The following NUDT6 variants were observed in gnomAD, a reference collection of about 807,000 sequenced individuals.
NUDT6 encodes the protein nudix hydrolase 6, also known as FAD diphosphatase NUDT6.
In NUDT6, 24 loss-of-function variants were observed where a neutral mutation model predicts 36.8. The ratio of observed to expected loss-of-function variants is 0.65; its 90% CI spans 0.47 to 0.92. The LOEUF is 0.92. NUDT6 is among the 40% of genes least tolerant of loss of function. NUDT6 has a pLI of 0.00. For synonymous variants in NUDT6, 163 were observed against 157.0 expected, an observed-to-expected ratio of 1.04 and a Z score of -0.29; for missense variants, 388 against 392.8, an observed-to-expected ratio of 0.99 and a Z score of 0.10.
At chr4:122,900,456 A>G (rs1259183201) in intron 3 of NUDT6, among the ~76,000 whole-genome samples, 1 of 151,702 alleles carries the variant, frequency 6.6e-6, no homozygotes, top group Non-Finnish European at 1.5e-5. Context: ...CTCCTATGCT[A>G]TGCTAAATAT....
chr4:122,907,336 T>C (rs941918074), intron 3 of NUDT6, among the ~76,000 whole-genome samples: 15 of 152,008 alleles, frequency 9.9e-5, no homozygotes, highest in African/African-American at 2.9e-4. Context: ...GGTTTCACCA[T>C]GTTAGCCAGG....
At chr4:122,896,477 C>T (rs760029872) in intron 4 of NUDT6, 3 of 152,164 alleles carry the variant, frequency 2.0e-5, no homozygotes, top group African/African-American at 4.8e-5. Context: ...GCTTAATTAG[C>T]TCACATGCTC....
chr4:122,918,215 T>C (rs900814239), intron 1 of NUDT6: 2 of 153,306 alleles, frequency 1.3e-5, no homozygotes, highest in African/African-American at 4.8e-5. Context: ...ATAAAAAATA[T>C]GAAGAAATCA....
chr4:122,905,643 C>G (rs60782501), intron 3 of NUDT6, among the ~76,000 whole-genome samples: 2,901 of 152,308 alleles, frequency 0.019, 89 homozygotes, highest in African/African-American at 0.066. Context: ...GAGTCACAGA[C>G]AGAACTAGGA....
intron 4 of NUDT6, 94 bp downstream of exon 4, chr4:122,897,530 A>G: frequency 1.1e-6 from 1 of 929,838 alleles, no homozygotes; most frequent in South Asian, 1.4e-5. Context: ...AAATTGGAAA[A>G]TTTAAATTTT....
intron 3 of NUDT6, among the ~76,000 whole-genome samples, chr4:122,899,675 T>C (rs1287279959): frequency 6.6e-6 from 1 of 152,140 alleles, no homozygotes; most frequent in African/African-American, 2.4e-5. Flanking sequence ...AAAATACTAA[T>C]GCTGGGCACA....
intron 4 of NUDT6, chr4:122,895,785 T>C (rs1727333357): frequency 6.6e-6 from 1 of 152,220 alleles, no homozygotes; most frequent in Non-Finnish European, 1.5e-5. Flanking sequence ...TTCAAACAAA[T>C]GTGTTTCCCA....
intron 3 of NUDT6, among the ~76,000 whole-genome samples, chr4:122,909,901 G>A (rs574104652): frequency 3.9e-5 from 6 of 152,346 alleles, no homozygotes; most frequent in African/African-American, 1.4e-4. Flanking sequence ...TGCCACTGTG[G>A]ATTGAGTTTT....
At chr4:122,900,416 T>A (rs952992033) in intron 3 of NUDT6, among the ~76,000 whole-genome samples, 14 of 150,956 alleles carry the variant, frequency 9.3e-5, no homozygotes, top group Non-Finnish European at 1.5e-4. Flanking sequence ...TTTGCATCTT[T>A]CTACAATTTT....
rs895254064 is a variant in NUDT6 at position 122,903,226 on chromosome 4, A to C, written c.499-5548T>G. Among the ~76,000 whole-genome samples, 7 of 152,158 alleles carry C rather than the reference A, an allele frequency of 4.6e-5. No individual in the cohort carries two copies. In the South Asian group the frequency reaches 1.4e-3, roughly 32 times the overall value. ...TAAAAAAATCAAAACCCTACTTAGG[A>C]GTGTCATTCCTACTTAATCCACAAA... On this transcript the variant is annotated intron_variant, in intron 3 of 4. Transcript: ENST00000304430.
Position 122,915,487 on chromosome 4 carries a change from A to AC in NUDT6, c.442+2013_442+2014insG, listed in dbSNP as rs1389583994. 1.9e-4 allele frequency among the ~76,000 whole-genome samples: 26 copies of AC among 139,494 alleles called. 1 individual carries two copies. The highest frequency in any genetic ancestry group is 1.5e-3 in the South Asian group (6 of 3,968). 91.5% of individuals were successfully genotyped at this position (139,494 alleles called of 152,430 possible). On this transcript the variant is annotated intron_variant, in intron 2 of 4. Transcript: ENST00000304430. ...CCTGCCTCAAAAAAAAAAAAAAAAAAAAAAAAAAAAACAACTCTGCACCTT... is the reference window on the plus strand; with the variant it reads ...CCTGCCTCAAAAAAAAAAAAAAAAAACAAAAAAAAAAACAACTCTGCACCTT...
intron 3 of NUDT6, among the ~76,000 whole-genome samples, chr4:122,908,393 T>C (rs72919843): frequency 0.022 from 3,289 of 152,342 alleles, 108 homozygotes; most frequent in African/African-American, 0.074. Context: ...CTGCTGACTC[T>C]AAATTTTTAG....
In NUDT6 at chr4:122,922,100, G is replaced by A. The variant is rs191375795; in HGVS notation, c.238+235C>T. On this transcript the variant is annotated intron_variant, in intron 1 of 4. Transcript: ENST00000304430. The stretch of plus-strand genomic sequence containing the variant: ...ACAGTAGAAAGTGGACCAGCAACCA[G>A]GGTTGCAGATCCCAAAGTCCGGGAT... The A allele has an allele frequency of 8.9e-4, 364 of 410,772 alleles. 4 individuals carry two copies. In the East Asian group the frequency reaches 0.011, roughly 13 times the overall value. The allele number at this position is 410,772 out of a possible 1,614,324, so 25.4% of individuals were successfully genotyped here. A position where few individuals can be genotyped will look rare whatever the true frequency, so the allele number is the denominator to read the frequency against.
intron 3 of NUDT6, among the ~76,000 whole-genome samples, chr4:122,910,843 C>A (rs1350017415): frequency 6.6e-6 from 1 of 152,092 alleles, no homozygotes; most frequent in Admixed American, 6.5e-5. Context: ...GGACCCGGGT[C>A]TGCTGATTCC....
At chr4:122,904,773 G>T (rs1398339511) in intron 3 of NUDT6, among the ~76,000 whole-genome samples, 1 of 152,116 alleles carries the variant, frequency 6.6e-6, no homozygotes, top group African/African-American at 2.4e-5. Flanking sequence ...CCTACTTTAT[G>T]ACTTAACCTT....
intron 3 of NUDT6, among the ~76,000 whole-genome samples, chr4:122,907,449 C>CTTT (rs374300011): frequency 6.4e-5 from 8 of 125,392 alleles, no homozygotes; most frequent in African/African-American, 1.2e-4. Context: ...TCTTTACTTT[C>CTTT]TTTTTTTTTT....
intron 4 of NUDT6, chr4:122,897,002 A>G (rs1265865520): frequency 1.3e-5 from 2 of 152,138 alleles, no homozygotes; most frequent in Non-Finnish European, 2.9e-5. Flanking sequence ...TGACATAAAT[A>G]ATTCTTAGCT....
At chr4:122,913,653 A>G (rs896627287) in intron 2 of NUDT6, among the ~76,000 whole-genome samples, 1 of 152,214 alleles carries the variant, frequency 6.6e-6, no homozygotes, top group Non-Finnish European at 1.5e-5. Context: ...TTATGTATAT[A>G]CACAACTTTA....
intron 2 of NUDT6, 122 bp downstream of exon 2, chr4:122,917,379 C>A: frequency 3.4e-6 from 3 of 879,676 alleles, no homozygotes; most frequent in Non-Finnish European, 3.6e-6. Flanking sequence ...GGTGGAACCA[C>A]CGTAATCATT....
Sources: allele counts gnomAD v4.1 joint callset (sites outside exome capture counted in the v4.1 genomes callset), GRCh38; gene constraint gnomAD v4.1.1; transcripts MANE v1.5; gene names NCBI Gene and HGNC (gene_info 2026-07-23, HGNC 2026-07-21).